The following ZNF804B variants were observed in gnomAD, a reference collection of about 807,000 sequenced individuals.
ZNF804B encodes the protein zinc finger 804B.
ZNF804B carries 80 observed loss-of-function variants against 101.4 expected under a neutral mutation model. That is an observed-to-expected ratio of 0.79 (90% confidence interval 0.66 to 0.95). The LOEUF (loss-of-function observed/expected upper bound fraction) is 0.95, where lower values mean the gene tolerates loss of function less well. Ranked by LOEUF, ZNF804B falls within the 40% of genes least tolerant of loss-of-function variation. The probability of loss-of-function intolerance (pLI) is 0.00; values close to 1 mark genes in which losing one functional copy is unlikely to be tolerated. For synonymous variants in ZNF804B, 622 were observed against 558.8 expected, an observed-to-expected ratio of 1.11 and a Z score of -1.59; for missense variants, 1,673 against 1,561.9, an observed-to-expected ratio of 1.07 and a Z score of -1.20.
intron 1 of ZNF804B, among the ~76,000 whole-genome samples, chr7:89,211,337 G>A (rs1181668990): frequency 4.6e-5 from 7 of 151,816 alleles, no homozygotes. Flanking sequence ...TGTTGTTGTT[G>A]TTTGTTTGTT....
intron 1 of ZNF804B, among the ~76,000 whole-genome samples, chr7:89,130,313 C>T (rs1432397742): frequency 4.6e-5 from 7 of 151,720 alleles, no homozygotes; most frequent in Non-Finnish European, 2.9e-5. Context: ...ACAGAAGTTA[C>T]CCAGGAAAGG....
At chr7:89,263,105 G>A (rs1490802160) in intron 2 of ZNF804B, among the ~76,000 whole-genome samples, 1 of 152,130 alleles carries the variant, frequency 6.6e-6, no homozygotes, top group East Asian at 1.9e-4. Context: ...CTGAGTATGG[G>A]CACTTGCAAC....
At chr7:89,140,186 TTAAAA>T (rs1790694938) in intron 1 of ZNF804B, among the ~76,000 whole-genome samples, 1 of 151,958 alleles carries the variant, frequency 6.6e-6, no homozygotes, top group African/African-American at 2.4e-5. Flanking sequence ...AATCCTGGAC[TTAAAA>T]TATATAAAAC....
intron 1 of ZNF804B, among the ~76,000 whole-genome samples, chr7:88,776,983 A>C (rs1790151499): frequency 6.6e-6 from 1 of 152,140 alleles, no homozygotes; most frequent in Non-Finnish European, 1.5e-5. Context: ...CAGAATTAGT[A>C]ATTGCAGGAA....
Position 89,221,955 on chromosome 7 carries a change from A to G in ZNF804B, c.249+3660A>G, listed in dbSNP as rs113211783. Among the ~76,000 whole-genome samples, 392 of 152,142 alleles carry G rather than the reference A, an allele frequency of 2.6e-3. 3 individuals carry two copies. Among genetic ancestry groups the G allele is most frequent in the African/African-American group, 9.1e-3 (379 of 41,558 alleles). Reference sequence around the variant, plus strand: ...AATCTAAATGAGGAGAAGACAAATCAGTAGATCTTGTGATACATTAATTTA... The same window carrying G: ...AATCTAAATGAGGAGAAGACAAATCGGTAGATCTTGTGATACATTAATTTA... On this transcript the variant is annotated intron_variant, in intron 2 of 3. Transcript: ENST00000333190.
chr7:88,836,764 A>T (rs1791220546), intron 1 of ZNF804B, among the ~76,000 whole-genome samples: 1 of 151,766 alleles, frequency 6.6e-6, no homozygotes. Flanking sequence ...TGTCCTGCAA[A>T]CACTTGCCAC....
At chr7:88,970,642 C>T (rs1416688712) in intron 1 of ZNF804B, among the ~76,000 whole-genome samples, 3 of 151,054 alleles carry the variant, frequency 2.0e-5, no homozygotes, top group Non-Finnish European at 3.0e-5. Context: ...AAATCTTGCC[C>T]ACTGCCTGTT....
intron 2 of ZNF804B, among the ~76,000 whole-genome samples, chr7:89,324,437 T>A (rs1026237409): frequency 6.6e-6 from 1 of 151,928 alleles, no homozygotes; most frequent in African/African-American, 2.4e-5. Context: ...TAAAAAAGCT[T>A]GTTTGTGTAG....
At chr7:89,331,016 A>G (rs1304124111) in intron 3 of ZNF804B, among the ~76,000 whole-genome samples, 6 of 151,004 alleles carry the variant, frequency 4.0e-5, no homozygotes, top group Non-Finnish European at 8.9e-5. Flanking sequence ...AATATATTTA[A>G]CATGATATAA....
chr7:88,759,807 C>T lies in ZNF804B; in HGVS notation c.-170C>T. ...GAGCAGCAGCTGTCGGCAGCAGGAGCCCCGCACGGGGCGCGGAGCAGGGAC... is the reference window on the plus strand; with the variant it reads ...GAGCAGCAGCTGTCGGCAGCAGGAGTCCCGCACGGGGCGCGGAGCAGGGAC... On this transcript the variant is annotated 5_prime_UTR_variant, in exon 1 of 4. Coordinates refer to ENST00000333190, the MANE Select transcript of ZNF804B (RefSeq NM_181646.5). 1 of 610,620 alleles carries T rather than the reference C, an allele frequency of 1.6e-6. No homozygotes were observed. The highest frequency in any genetic ancestry group is 2.9e-6 in the Non-Finnish European group (1 of 344,020). 37.8% of individuals were successfully genotyped at this position (610,620 alleles called of 1,614,324 possible).
chr7:89,002,400 T>C (rs957046358), intron 1 of ZNF804B, among the ~76,000 whole-genome samples: 1 of 151,934 alleles, frequency 6.6e-6, no homozygotes, highest in Non-Finnish European at 1.5e-5. Context: ...AATAACATGC[T>C]TGCATTTTTC....
intron 2 of ZNF804B, among the ~76,000 whole-genome samples, chr7:89,229,153 G>C (rs1487361620): frequency 6.6e-6 from 1 of 152,090 alleles, no homozygotes; most frequent in Non-Finnish European, 1.5e-5. Context: ...TCCGGCCTTG[G>C]CCAGCCCAGG....
intron 1 of ZNF804B, among the ~76,000 whole-genome samples, chr7:88,919,009 T>C (rs1350372283): frequency 6.6e-6 from 1 of 150,866 alleles, no homozygotes; most frequent in African/African-American, 2.5e-5. Context: ...AGTTACTTAA[T>C]TTTTTTTTAT....
intron 2 of ZNF804B, among the ~76,000 whole-genome samples, chr7:89,300,247 G>C (rs1790453066): frequency 6.6e-6 from 1 of 151,522 alleles, no homozygotes; most frequent in South Asian, 2.1e-4. Flanking sequence ...CATAATTCAA[G>C]TTATTTCTGT....
At chr7:89,258,874 C>A (rs968881686) in intron 2 of ZNF804B, among the ~76,000 whole-genome samples, 7 of 151,984 alleles carry the variant, frequency 4.6e-5, no homozygotes, top group Admixed American at 3.3e-4. Flanking sequence ...ATTGAGTAGG[C>A]TGAGAAGGAA....
intron 1 of ZNF804B, among the ~76,000 whole-genome samples, chr7:89,134,617 G>C (rs973200223): frequency 1.3e-5 from 2 of 152,006 alleles, no homozygotes; most frequent in African/African-American, 2.4e-5. Flanking sequence ...CAGCGTTCCT[G>C]CTTCCCCAAT....
rs750948643 is a variant in ZNF804B, at chr7:89,333,516, C to T, written c.534C>T (p.Ser178=). ...LKGKNLPRII[S]DKQRSTMPNR... ...GAAAAAATCTCCCCAGAATCATATC[C>T]GATAAACAGCGGTCCACCATGCCAA... Residue 178 remains serine (S), a synonymous_variant, in exon 4 of 4, where the codon TCC becomes TCT. Coordinates refer to ENST00000333190, the MANE Select transcript of ZNF804B (RefSeq NM_181646.5). 2.0e-5 allele frequency: 33 copies of T among 1,613,210 alleles called. No homozygotes were observed. The highest frequency in any genetic ancestry group is 1.8e-4 in the South Asian group (16 of 91,060).
intron 1 of ZNF804B, among the ~76,000 whole-genome samples, chr7:88,875,891 C>A (rs1282325908): frequency 5.3e-5 from 8 of 152,158 alleles, no homozygotes; most frequent in Admixed American, 4.6e-4. Flanking sequence ...CCTTGATGAA[C>A]ATTGATGCAA....
At chr7:89,282,483 A>G (rs1032724455) in intron 2 of ZNF804B, among the ~76,000 whole-genome samples, 12 of 152,186 alleles carry the variant, frequency 7.9e-5, no homozygotes, top group Non-Finnish European at 1.8e-4. Context: ...CTCAACGTGA[A>G]CCTCAAAATA....
Sources: allele counts gnomAD v4.1 joint callset (sites outside exome capture counted in the v4.1 genomes callset), GRCh38; gene constraint gnomAD v4.1.1; transcripts MANE v1.5; gene names NCBI Gene and HGNC (gene_info 2026-07-23, HGNC 2026-07-21).